The following ADAM9 variants were observed in gnomAD, a reference collection of about 807,000 sequenced individuals.
ADAM9 encodes ADAM metallopeptidase domain 9.
ADAM9 carries 54 observed loss-of-function variants against 108.1 expected under a neutral mutation model. The ratio of observed to expected loss-of-function variants is 0.50; its 90% CI spans 0.40 to 0.63. The LOEUF (loss-of-function observed/expected upper bound fraction) is 0.63, where lower values mean the gene tolerates loss of function less well. Among genes scored for constraint, ADAM9 ranks in the 20% least tolerant of loss-of-function variants. The pLI is 0.00. For missense variants in ADAM9, 830 were observed against 997.7 expected (o/e 0.83, Z 2.26); for synonymous variants, 316 against 336.0 (o/e 0.94, Z 0.65).
intron 13 of ADAM9, among the ~76,000 whole-genome samples, chr8:39,055,358 A>C (rs1838086295): frequency 2.6e-5 from 4 of 152,100 alleles, no homozygotes; most frequent in Admixed American, 6.6e-5. Context: ...TTTAGTTTGC[A>C]TTTCTTTTGG....
At chr8:39,077,919 A>G (rs1034001376) in intron 16 of ADAM9, among the ~76,000 whole-genome samples, 3 of 152,186 alleles carry the variant, frequency 2.0e-5, no homozygotes, top group Non-Finnish European at 2.9e-5. Context: ...GGTAATTAAG[A>G]GTGCGGGCAG....
Position 38,997,032 on chromosome 8 carries a change from A to G in ADAM9, c.-32A>G, listed in dbSNP as rs1300969377. On this transcript the variant is annotated 5_prime_UTR_variant, in exon 1 of 22. Coordinates refer to ENST00000487273, the MANE Select transcript of ADAM9 (RefSeq NM_003816.3). ...GAAGAGGCGGAGGTGGAGGCGACCG[A>G]GTGCTGAGAGGAACCTGCGGAATCG... 6.2e-7 allele frequency: 1 copy of G among 1,601,744 alleles called. No individual in the cohort carries two copies. The highest frequency in any genetic ancestry group is 1.1e-5 in the South Asian group (1 of 90,686).
Position 39,090,063 on chromosome 8 carries a change from G to A in ADAM9, c.2085G>A (p.Leu695=). The change falls in exon 19 of 22, where the codon TTG becomes TTA. Residue 695 remains leucine, a synonymous_variant. Transcript: ENST00000487273. ...GPTYNEMNTA[L]RDGLLVFFFL... Reference sequence around the variant, plus strand: ...TCTCTCTAGAAATGAATACTGCATTGAGGGACGGACTTCTGGTCTTCTTCT... The same window carrying A: ...TCTCTCTAGAAATGAATACTGCATTAAGGGACGGACTTCTGGTCTTCTTCT... 1.2e-6 allele frequency: 2 copies of A among 1,613,858 alleles called. No individual in the cohort carries two copies. The highest frequency in any genetic ancestry group is 1.3e-5 in the African/African-American group (1 of 74,990).
chr8:39,005,849 G>T (rs1836144709), intron 1 of ADAM9, among the ~76,000 whole-genome samples: 2 of 152,174 alleles, frequency 1.3e-5, no homozygotes, highest in Non-Finnish European at 2.9e-5. Context: ...TGAAATAATT[G>T]CAGTAAGAAT....
At chr8:39,014,256 T>C (rs1203093874) in intron 4 of ADAM9, 3 of 572,546 alleles carry the variant, frequency 5.2e-6, no homozygotes, top group Non-Finnish European at 9.2e-6. Flanking sequence ...TTAAGGTTTT[T>C]TTTTTAAAGA....
At chr8:39,022,170 TAAAGAATTAG>T (rs1836768482) in intron 8 of ADAM9, among the ~76,000 whole-genome samples, 1 of 151,362 alleles carries the variant, frequency 6.6e-6, no homozygotes, top group South Asian at 2.1e-4. Flanking sequence ...TGGGAGATAT[TAAAGAATTAG>T]ATATATGTTC....
chr8:39,006,715 A>G (rs1057285955), intron 1 of ADAM9, among the ~76,000 whole-genome samples: 14 of 152,028 alleles, frequency 9.2e-5, no homozygotes, highest in Admixed American at 4.6e-4. Context: ...CTCAATTTCA[A>G]TTCAAGTGAT....
intron 20 of ADAM9, among the ~76,000 whole-genome samples, chr8:39,095,310 A>G (rs1220011030): frequency 1.3e-5 from 2 of 152,188 alleles, no homozygotes; most frequent in African/African-American, 4.8e-5. Flanking sequence ...AAATATCTGC[A>G]TATAGATGTA....
intron 9 of ADAM9, among the ~76,000 whole-genome samples, chr8:39,025,198 C>G (rs1836879810): frequency 6.6e-6 from 1 of 152,162 alleles, no homozygotes; most frequent in Admixed American, 6.5e-5. Context: ...TCAAATGATT[C>G]TTCTGCCTCA....
At chr8:39,094,886 A>G (rs1413530940) in intron 20 of ADAM9, among the ~76,000 whole-genome samples, 2 of 151,674 alleles carry the variant, frequency 1.3e-5, no homozygotes, top group African/African-American at 2.4e-5. Flanking sequence ...TATTAATACT[A>G]TTTTTCCAGT....
chr8:39,017,091 C>T (rs1564243458), intron 5 of ADAM9, 128 bp from the exon 6 acceptor site: 1 of 1,002,008 alleles, frequency 1.0e-6, no homozygotes, highest in Non-Finnish European at 1.5e-6. Flanking sequence ...TCTAAAGCCT[C>T]TATTTTCTTC....
In ADAM9 at chr8:39,091,855, A is replaced by G. The variant is rs572683312; in HGVS notation, c.2298+509A>G. The stretch of plus-strand genomic sequence containing the variant: ...AGGACACAGAAAAAGACAGCTGGAC[A>G]TTAGGAATGCCTTGCCTAGCAACCA... On this transcript the variant is annotated intron_variant, in intron 20 of 21. Coordinates refer to ENST00000487273, the MANE Select transcript of ADAM9 (RefSeq NM_003816.3). 6.0e-4 allele frequency among the ~76,000 whole-genome samples: 92 copies of G among 152,314 alleles called. 1 individual carries two copies. The highest frequency in any genetic ancestry group is 5.9e-3 in the Admixed American group (91 of 15,296).
intron 11 of ADAM9, 93 bp downstream of exon 11, chr8:39,026,903 A>G: frequency 6.6e-7 from 1 of 1,521,926 alleles, no homozygotes; most frequent in Non-Finnish European, 9.0e-7. Context: ...TTGGGAAAAC[A>G]GGAAATGTTA....
chr8:39,005,371 G>C (rs1484014739), intron 1 of ADAM9, among the ~76,000 whole-genome samples: 1 of 152,186 alleles, frequency 6.6e-6, no homozygotes, highest in Non-Finnish European at 1.5e-5. Context: ...AAAACATTCA[G>C]TAAGCTTATC....
In ADAM9 at chr8:39,035,972, C is replaced by A. The variant is rs369698961; in HGVS notation, c.1131-5974C>A. On this transcript the variant is annotated intron_variant, in intron 11 of 21. Coordinates refer to ENST00000487273, the MANE Select transcript of ADAM9 (RefSeq NM_003816.3). ...ACTTTCTTTTTTTGAGGGCATATTT[C>A]CTACCCTCTACTTCATAGGCTGTTT... Among the ~76,000 whole-genome samples, 32 of 152,058 alleles carry A rather than the reference C, an allele frequency of 2.1e-4. 1 individual carries two copies. In the East Asian group the frequency reaches 4.4e-3, roughly 21 times the overall value.
intron 1 of ADAM9, among the ~76,000 whole-genome samples, chr8:39,006,726 G>T (rs774390773): frequency 2.6e-5 from 4 of 151,944 alleles, no homozygotes; most frequent in Non-Finnish European, 5.9e-5. Flanking sequence ...TTCAAGTGAT[G>T]ACTTTAGAAC....
intron 18 of ADAM9, among the ~76,000 whole-genome samples, chr8:39,083,910 C>T (rs555931642): frequency 6.6e-6 from 1 of 152,232 alleles, no homozygotes; most frequent in South Asian, 2.1e-4. Flanking sequence ...AAACTGTTTC[C>T]CAACGTGGCT....
chr8:39,091,612 G>T (rs867360257), intron 20 of ADAM9, among the ~76,000 whole-genome samples: 34 of 151,992 alleles, frequency 2.2e-4, no homozygotes, highest in African/African-American at 8.0e-4. Flanking sequence ...TCAGCCTCCC[G>T]AGTAGCTGGG....
intron 14 of ADAM9, among the ~76,000 whole-genome samples, chr8:39,068,151 A>G (rs377277136): frequency 1.2e-4 from 19 of 152,116 alleles, no homozygotes; most frequent in African/African-American, 4.1e-4. Context: ...CACATTAGCC[A>G]TGTTCCTCAG....
Sources: allele counts gnomAD v4.1 joint callset (sites outside exome capture counted in the v4.1 genomes callset), GRCh38; gene constraint gnomAD v4.1.1; transcripts MANE v1.5; gene names NCBI Gene and HGNC (gene_info 2026-07-23, HGNC 2026-07-21).